Variants in ERBB2 observed in about 807,000 individuals in gnomAD.
ERBB2 encodes receptor tyrosine-protein kinase erbB-2.
Under a neutral mutation model 149.0 loss-of-function variants are expected in ERBB2, and 61 were observed. That is an observed-to-expected ratio of 0.41 (90% CI 0.33 to 0.51). ERBB2 has a LOEUF of 0.51. ERBB2 is among the 20% of genes least tolerant of loss of function. The pLI is 0.25. For missense variants in ERBB2, 1,205 were observed against 1,655.1 expected (o/e 0.73, Z 4.72); for synonymous variants, 633 against 678.8 (o/e 0.93, Z 1.05).
chr17:39,724,038 G>A (rs2059594526), intron 19 of ERBB2, 28 bp downstream of exon 19: 1 of 1,554,744 alleles, frequency 6.4e-7, no homozygotes, highest in Non-Finnish European at 8.8e-7. Context: ...CTCCTGCTAG[G>A]AGGACAGGAA....
rs751548843 is a variant in ERBB2 at position 39,725,880 on chromosome 17, C to G, written c.2872+27C>G. 8 of 1,610,774 alleles carry G rather than the reference C, an allele frequency of 5.0e-6. No individual in the cohort carries two copies. Among genetic ancestry groups the G allele is most frequent in the Non-Finnish European group, 5.9e-6 (7 of 1,178,806 alleles). On this transcript the variant is annotated intron_variant, in intron 23 of 26. Coordinates refer to ENST00000269571, the MANE Select transcript of ERBB2 (RefSeq NM_004448.4). The surrounding 1 kb of genome is among the most constrained non-coding windows in gnomAD (Gnocchi z 4.6). ...TGCGTGGCTGAGCTGTGCTGGCTGCCTGGAGGAGGGTGGGAGGTCCTGGGT... is the reference window on the plus strand; with the variant it reads ...TGCGTGGCTGAGCTGTGCTGGCTGCGTGGAGGAGGGTGGGAGGTCCTGGGT...
chr17:39,690,332 C>T (rs995654089), upstream of ERBB2, among the ~76,000 whole-genome samples: 4 of 152,162 alleles, frequency 2.6e-5, no homozygotes, highest in Admixed American at 6.5e-5. Flanking sequence ...GTGATCCTCC[C>T]GCCTCAACCT....
Position 39,726,909 on chromosome 17 carries a change from A to C in ERBB2, c.3065A>C (p.Glu1022Ala). 6.2e-7 allele frequency: 1 copy of C among 1,613,766 alleles called. No individual in the cohort carries two copies. The highest frequency in any genetic ancestry group is 1.1e-5 in the South Asian group (1 of 91,070). Residue 1022 changes from glutamate to alanine, a missense_variant, in exon 25 of 27, where the codon GAG (glutamate) becomes GCG (alanine). Physicochemically the swap from Glu to Ala is moderately radical, Grantham distance 107. Coordinates refer to ENST00000269571, the MANE Select transcript of ERBB2 (RefSeq NM_004448.4). This position sits in a 1 kb window ranked among gnomAD's most constrained non-coding sequence, Gnocchi z 5.1. ...DDMGDLVDAEEYLVPQQGFFC... is the reference protein window; with the variant it reads ...DDMGDLVDAEAYLVPQQGFFC... ...ATGGGGGACCTGGTGGATGCTGAGGAGTATCTGGTACCCCAGCAGGGCTTC... is the reference window on the plus strand; with the variant it reads ...ATGGGGGACCTGGTGGATGCTGAGGCGTATCTGGTACCCCAGCAGGGCTTC...
At position 39,700,255 on chromosome 17, in the gene ERBB2, TG is replaced by T; in HGVS notation, c.18del (p.Leu6PhefsTer26). The stretch of plus-strand genomic sequence containing the variant: ...GTGAGCACCATGGAGCTGGCGGCCT[TG>T]TGCCGCTGGGGGCTCCTCCTCGCCC... MELAA[L>X]CRWGLLLALL... On this transcript the variant is annotated frameshift_variant, in exon 1 of 27. Coordinates refer to ENST00000269571, the MANE Select transcript of ERBB2 (RefSeq NM_004448.4). LOFTEE classifies it high-confidence loss of function. 1.4e-6 allele frequency: 2 copies of T among 1,442,924 alleles called. No homozygotes were observed. Among genetic ancestry groups the T allele is most frequent in the Non-Finnish European group, 1.8e-6 (2 of 1,101,072 alleles). 89.4% of individuals were successfully genotyped at this position (1,442,924 alleles called of 1,614,324 possible).
chr17:39,699,484 A>T (rs975302492), upstream of ERBB2: 3 of 1,462,024 alleles, frequency 2.1e-6, no homozygotes, highest in African/African-American at 4.3e-5. Context: ...AGTCCTTTCG[A>T]TGTGACTGTC....
chr17:39,720,476 T>C (rs925797191), intron 16 of ERBB2, among the ~76,000 whole-genome samples: 2 of 151,832 alleles, frequency 1.3e-5, no homozygotes, highest in African/African-American at 4.8e-5. Context: ...GAAAGGACTT[T>C]GGGGAGAAAA....
Position 39,727,013 on chromosome 17 carries a change from C to T in ERBB2, c.3159+10C>T, listed in dbSNP as rs2059804778. On this transcript the variant is annotated intron_variant, in intron 25 of 26. Coordinates refer to ENST00000269571, the MANE Select transcript of ERBB2 (RefSeq NM_004448.4). This position sits in a 1 kb window ranked among gnomAD's most constrained non-coding sequence, Gnocchi z 4.3. ...CAGCTCATCTACCAGGGTCAGTGCC[C>T]TCGGTCACACTGTGTGGCTGTCTGC... is the stretch of plus-strand genomic sequence containing the variant. 2 of 1,577,202 alleles carry T rather than the reference C, an allele frequency of 1.3e-6. No individual in the cohort carries two copies. Among genetic ancestry groups the T allele is most frequent in the Non-Finnish European group, 1.7e-6 (2 of 1,163,622 alleles).
rs769335702 is a variant in ERBB2 at position 39,709,817 on chromosome 17, C to T, written c.579C>T (p.His193=). 2.5e-6 allele frequency: 4 copies of T among 1,613,048 alleles called. No individual in the cohort carries two copies. In the East Asian group the frequency reaches 6.7e-5, roughly 27 times the overall value. The change falls in exon 5 of 27, where the codon CAC becomes CAT. Residue 193 remains histidine, a synonymous_variant. Transcript: ENST00000269571. ...TGTCTCTGGTTCTGTCCTCAGGCCA[C>T]CCCTGTTCTCCGATGTGTAAGGGCT... ...LIDTNRSRAC[H]PCSPMCKGSR...
chr17:39,715,224 A>T (rs2059047515), intron 9 of ERBB2, 62 bp from the exon 10 acceptor site: 1 of 1,394,818 alleles, frequency 7.2e-7, no homozygotes, highest in Non-Finnish European at 1.0e-6. Flanking sequence ...TGGCATGGCC[A>T]GTGCTGGGAG....
In ERBB2 at chr17:39,727,001, A is replaced by G. The variant is rs370561486; in HGVS notation, c.3157A>G (p.Arg1053Gly). Reference protein sequence around the residue: ...VHHRHRSSSTRSGGGDLTLGL... With the variant: ...VHHRHRSSSTGSGGGDLTLGL... ...CCACAGGCACCGCAGCTCATCTACC[A>G]GGGTCAGTGCCCTCGGTCACACTGT... Residue 1053 changes from arginine to glycine, a missense_variant and splice_region_variant, in exon 25 of 27, where the codon AGG (arginine) becomes GGG (glycine). Coordinates refer to ENST00000269571, the MANE Select transcript of ERBB2 (RefSeq NM_004448.4). The surrounding 1 kb of genome is among the most constrained non-coding windows in gnomAD (Gnocchi z 4.3). 1.6e-5 allele frequency: 26 copies of G among 1,594,534 alleles called. No homozygotes were observed. The highest frequency in any genetic ancestry group is 2.0e-5 in the Non-Finnish European group (23 of 1,171,558).
At chr17:39,722,451 A>G (rs2059502217) in intron 16 of ERBB2, among the ~76,000 whole-genome samples, 1 of 152,068 alleles carries the variant, frequency 6.6e-6, no homozygotes, top group Admixed American at 6.6e-5. Flanking sequence ...GCAGTGGGCC[A>G]TGATCTCACC....
At chr17:39,714,772 CTT>C (rs1305856787) in intron 9 of ERBB2, among the ~76,000 whole-genome samples, 21 of 136,150 alleles carry the variant, frequency 1.5e-4, no homozygotes, top group Admixed American at 2.2e-4. Flanking sequence ...GATTTCTTTT[CTT>C]TTTTTTTTTT....
rs575728730 is a variant in ERBB2 at position 39,724,927 on chromosome 17, C to A, written c.2493+16C>A. ...GATTGCCAAGGTATGCACCTGGGCT[C>A]TTTGCAGGTCTCTCCGGAGCAAACC... On this transcript the variant is annotated intron_variant, in intron 20 of 26. Coordinates refer to ENST00000269571, the MANE Select transcript of ERBB2 (RefSeq NM_004448.4). The A allele has an allele frequency of 6.2e-7, 1 of 1,611,986 alleles. No homozygotes were observed. Among genetic ancestry groups the A allele is most frequent in the East Asian group, 2.2e-5 (1 of 44,818 alleles).
At chr17:39,724,041 G>C (rs752490057) in intron 19 of ERBB2, 31 bp downstream of exon 19, 1 of 1,508,376 alleles carries the variant, frequency 6.6e-7, no homozygotes, top group Admixed American at 1.7e-5. Context: ...CTGCTAGGAG[G>C]ACAGGAAGGA....
rs2145579024 is a variant in ERBB2 at position 39,712,415 on chromosome 17, G to A, written c.1115G>A (p.Gly372Glu). ...QEFAGCKKIF[G>E]SLAFLPESFD... ...TTTGCTGGCTGCAAGAAGATCTTTG[G>A]GAGCCTGGCATTTCTGCCGGAGAGC... Residue 372 changes from glycine (G) to glutamate (E), a missense_variant, in exon 9 of 27, where the codon GGG (glycine) becomes GAG (glutamate). By Grantham distance (98) the Gly-to-Glu change is moderately conservative (BLOSUM62 -2). Coordinates refer to ENST00000269571, the MANE Select transcript of ERBB2 (RefSeq NM_004448.4). The A allele has an allele frequency of 6.2e-7, 1 of 1,614,042 alleles. No individual in the cohort carries two copies. The highest frequency in any genetic ancestry group is 8.5e-7 in the Non-Finnish European group (1 of 1,179,988).
chr17:39,718,902 T>C (rs548626440), intron 15 of ERBB2, among the ~76,000 whole-genome samples: 1 of 152,216 alleles, frequency 6.6e-6, no homozygotes, highest in Non-Finnish European at 1.5e-5. Flanking sequence ...GTGCTGGCAA[T>C]GTTTATCACA....
rs1284822591 is a variant in ERBB2 at position 39,725,134 on chromosome 17, A to G, written c.2579A>G (p.Lys860Arg). Residue 860 changes from lysine to arginine, a missense_variant, in exon 21 of 27, where the codon AAA becomes AGA. By Grantham distance (26) the Lys-to-Arg change is conservative. Transcript: ENST00000269571. The surrounding 1 kb of genome is among the most constrained non-coding windows in gnomAD (Gnocchi z 4.6). ...NVLVKSPNHVKITDFGLARLL... is the reference protein window; with the variant it reads ...NVLVKSPNHVRITDFGLARLL... ...CTGGTCAAGAGTCCCAACCATGTCAAAATTACAGACTTCGGGCTGGCTCGG... is the reference window on the plus strand; with the variant it reads ...CTGGTCAAGAGTCCCAACCATGTCAGAATTACAGACTTCGGGCTGGCTCGG... 1.2e-6 allele frequency: 2 copies of G among 1,614,156 alleles called. No individual in the cohort carries two copies. The highest frequency in any genetic ancestry group is 2.2e-5 in the East Asian group (1 of 44,870).
At chr17:39,709,142 G>A (rs1279264452) in intron 3 of ERBB2, 176 bp from the exon 4 acceptor site, 12 of 701,138 alleles carry the variant, frequency 1.7e-5, no homozygotes, top group Non-Finnish European at 2.9e-5. Flanking sequence ...CTTTGTTCTT[G>A]TTGCGGGTGT....
rs561720540 is a variant in ERBB2, at chr17:39,727,000, C to G, written c.3156C>G (p.Thr1052=). The G allele has an allele frequency of 4.4e-5, 70 of 1,595,146 alleles. No homozygotes were observed. The South Asian group carries it at 7.4e-4, about 17-fold the overall frequency. The change falls in exon 25 of 27, where the codon ACC becomes ACG. Residue 1052 remains threonine (T), a synonymous_variant. Transcript: ENST00000269571. This position sits in a 1 kb window ranked among gnomAD's most constrained non-coding sequence, Gnocchi z 5.1. The part of the protein sequence containing the change: ...MVHHRHRSSS[T]RSGGGDLTLG... Reference sequence around the variant, plus strand: ...ACCACAGGCACCGCAGCTCATCTACCAGGGTCAGTGCCCTCGGTCACACTG... The same window carrying G: ...ACCACAGGCACCGCAGCTCATCTACGAGGGTCAGTGCCCTCGGTCACACTG...
Sources: gnomAD v4.1 joint callset for allele counts (sites outside exome capture counted in the v4.1 genomes callset) on GRCh38, gnomAD v4.1.1 for gene constraint, Gnocchi (gnomAD v3.1) non-coding constraint, MANE v1.5 for transcripts, NCBI Gene and HGNC (gene_info 2026-07-23, HGNC 2026-07-21) for gene names.